BRD4: variants seen among roughly 807,000 people sequenced by gnomAD.
BRD4 encodes the protein bromodomain-containing protein 4.
In BRD4, 16 loss-of-function variants were observed where a neutral mutation model predicts 142.1. The ratio of observed to expected loss-of-function variants is 0.11; its 90% CI spans 0.08 to 0.17. The LOEUF (loss-of-function observed/expected upper bound fraction) is 0.17. BRD4 is among the 10% of genes least tolerant of loss of function. The probability of loss-of-function intolerance (pLI) is 1.00; values close to 1 mark genes in which losing one functional copy is unlikely to be tolerated. For synonymous variants in BRD4, 833 were observed against 707.5 expected, an observed-to-expected ratio of 1.18 and a Z score of -2.82; for missense variants, 1,424 against 1,810.9, an observed-to-expected ratio of 0.79 and a Z score of 3.88.
intron 1 of BRD4, among the ~76,000 whole-genome samples, chr19:15,298,698 G>T (rs1052002821): frequency 7.3e-6 from 1 of 137,908 alleles, no homozygotes; most frequent in African/African-American, 2.7e-5. Context: ...ACCCCACCCT[G>T]AAAAAGAGAT....
chr19:15,281,997 A>G (rs2047708510), intron 1 of BRD4, among the ~76,000 whole-genome samples: 1 of 152,026 alleles, frequency 6.6e-6, no homozygotes, highest in Non-Finnish European at 1.5e-5. Flanking sequence ...CAGCCTGGGC[A>G]ACAGAGCGAG....
At chr19:15,278,092 C>G (rs1280927194) in intron 1 of BRD4, among the ~76,000 whole-genome samples, 2 of 97,150 alleles carry the variant, frequency 2.1e-5, no homozygotes, top group African/African-American at 4.1e-5. Context: ...GGAGACAGAG[C>G]AAGACTCCGT....
At chr19:15,272,053 G>A (rs920122855) in intron 2 of BRD4, among the ~76,000 whole-genome samples, 11 of 151,752 alleles carry the variant, frequency 7.2e-5, no homozygotes, top group Non-Finnish European at 1.3e-4. Context: ...AAGACAATTA[G>A]TCTTTGGTGC....
At chr19:15,256,792 T>C (rs2047414035) in intron 8 of BRD4, among the ~76,000 whole-genome samples, 172 bp downstream of exon 8, 1 of 152,072 alleles carries the variant, frequency 6.6e-6, no homozygotes, top group Admixed American at 6.5e-5. Flanking sequence ...CATACATACG[T>C]GTATGATCAA....
In BRD4 at chr19:15,239,686, T is replaced by C. The variant is rs751462158; in HGVS notation, c.3418A>G (p.Ile1140Val). 6.3e-7 allele frequency: 1 copy of C among 1,588,106 alleles called. No homozygotes were observed. The highest frequency in any genetic ancestry group is 1.1e-5 in the South Asian group (1 of 89,700). The change falls in exon 16 of 20, where the codon ATC (isoleucine) becomes GTC (valine). Residue 1140 changes from isoleucine to valine, a missense_variant. Coordinates refer to ENST00000679869, the MANE Select transcript of BRD4 (RefSeq NM_001379291.1). This position sits in a 1 kb window ranked among gnomAD's most constrained non-coding sequence, Gnocchi z 7.4. Reference protein sequence around the residue: ...RPEPPKHPESIKAPVHLPQRP... With the variant: ...RPEPPKHPESVKAPVHLPQRP... ...TGGGGCAGGTGGACGGGGGCCTTGA[T>C]GCTCTCCGGGTGCTTGGGGGGCTCC...
intron 11 of BRD4, chr19:15,249,270 T>C (rs2047319260): frequency 6.2e-7 from 1 of 1,613,996 alleles, no homozygotes; most frequent in Non-Finnish European, 8.5e-7. Context: ...TAAGAGTCCG[T>C]GTCCAATGAT....
chr19:15,273,834 T>TC lies in BRD4; in HGVS notation c.-34-702dup, dbSNP rs1398332008. Among the ~76,000 whole-genome samples the TC allele has an allele frequency of 2.7e-5, 4 of 150,266 alleles. No individual in the cohort carries two copies. In the East Asian group the frequency reaches 5.8e-4, roughly 22 times the overall value. On this transcript the variant is annotated intron_variant, in intron 1 of 19. Transcript: ENST00000679869. ...CCATTTTCTTTTTTTTTTTTTTTTT[T>TC]CATCTCTAGTAATAAACCTAAGAAC...
intron 7 of BRD4, among the ~76,000 whole-genome samples, chr19:15,262,637 C>T (rs1043806198): frequency 4.0e-5 from 6 of 151,304 alleles, no homozygotes; most frequent in African/African-American, 1.2e-4. Flanking sequence ...GTGGGAGGAT[C>T]GCTTGAACCT....
intron 1 of BRD4, among the ~76,000 whole-genome samples, chr19:15,279,344 T>C (rs754503870): frequency 4.6e-5 from 7 of 152,140 alleles, no homozygotes; most frequent in East Asian, 3.8e-4. Flanking sequence ...ACAAAAGATA[T>C]AGAAAACAAA....
At chr19:15,310,254 A>T in intron 1 of BRD4, among the ~76,000 whole-genome samples, 1 of 116,878 alleles carries the variant, frequency 8.6e-6, no homozygotes, top group East Asian at 2.8e-4. Context: ...CACTTTGTTG[A>T]CCAAGCTGAA....
chr19:15,240,482 C>A (rs1391982208), intron 14 of BRD4, among the ~76,000 whole-genome samples: 1 of 152,200 alleles, frequency 6.6e-6, no homozygotes, highest in African/African-American at 2.4e-5. Context: ...GCAGGGGGTG[C>A]AAGACCCAGT....
intron 1 of BRD4, among the ~76,000 whole-genome samples, chr19:15,294,553 G>A (rs2047808364): frequency 6.6e-6 from 1 of 152,226 alleles, no homozygotes; most frequent in African/African-American, 2.4e-5. Flanking sequence ...CAGAAATCCA[G>A]GGCTAATTTT....
chr19:15,300,318 T>G (rs1319845760), intron 1 of BRD4, among the ~76,000 whole-genome samples: 1 of 152,006 alleles, frequency 6.6e-6, no homozygotes, highest in African/African-American at 2.4e-5. Flanking sequence ...TCCCAGCACT[T>G]TAGCAGGCCA....
At chr19:15,297,288 C>G (rs1010741976) in intron 1 of BRD4, among the ~76,000 whole-genome samples, 1 of 152,190 alleles carries the variant, frequency 6.6e-6, no homozygotes, top group African/African-American at 2.4e-5. Context: ...CCAGGCTGCA[C>G]AGACTGCAGA....
chr19:15,251,881 G>T (rs2047351305), intron 11 of BRD4, among the ~76,000 whole-genome samples: 2 of 152,200 alleles, frequency 1.3e-5, no homozygotes, highest in South Asian at 4.1e-4. Flanking sequence ...AGGTGGGGAG[G>T]GCGCCTGGGA....
rs1820438788 is a variant in BRD4 at position 15,239,331 on chromosome 19, G to A, written c.3576+61C>T. 6.2e-7 allele frequency: 1 copy of A among 1,614,100 alleles called. No individual in the cohort carries two copies. Among genetic ancestry groups the A allele is most frequent in the Middle Eastern group, 1.6e-4 (1 of 6,062 alleles). On this transcript the variant is annotated intron_variant, in intron 17 of 19. Transcript: ENST00000679869. The surrounding 1 kb of genome is among the most constrained non-coding windows in gnomAD (Gnocchi z 7.4). ...GCCTAAAGGGCATAGCTGGGGGTGT[G>A]CCCAGCATGGCACCTTCCAGGGCCA...
At chr19:15,243,619 C>A (rs2145512955) in intron 13 of BRD4, 132 bp from the exon 14 acceptor site, 1 of 1,383,874 alleles carries the variant, frequency 7.2e-7, no homozygotes. Context: ...CACTCCCTCC[C>A]CACCTACCGT....
intron 1 of BRD4, among the ~76,000 whole-genome samples, chr19:15,288,380 C>T (rs1599490876): frequency 6.6e-6 from 1 of 152,046 alleles, no homozygotes; most frequent in Non-Finnish European, 1.5e-5. Flanking sequence ...AGACTGGTGA[C>T]AGAGCAAGAC....
chr19:15,331,060 G>A (rs891114531), intron 1 of BRD4, among the ~76,000 whole-genome samples: 2 of 151,972 alleles, frequency 1.3e-5, no homozygotes, highest in Non-Finnish European at 2.9e-5. Flanking sequence ...CATTCCAAGG[G>A]GTCACTAGCA....
Sources: allele counts gnomAD v4.1 joint callset (sites outside exome capture counted in the v4.1 genomes callset), GRCh38; gene constraint gnomAD v4.1.1; non-coding constraint Gnocchi (gnomAD v3.1); transcripts MANE v1.5; gene names NCBI Gene and HGNC (gene_info 2026-07-23, HGNC 2026-07-21).